The following RICTOR variants were observed in gnomAD, a reference collection of about 807,000 sequenced individuals.
The protein encoded by RICTOR is RPTOR independent companion of MTOR complex 2.
Under a neutral mutation model 214.9 loss-of-function variants are expected in RICTOR, and 49 were observed. The ratio of observed to expected loss-of-function variants is 0.23; its 90% CI spans 0.18 to 0.29. RICTOR has a LOEUF of 0.29. Ranked by LOEUF, RICTOR falls within the 10% of genes least tolerant of loss-of-function variation. The pLI is 1.00. For missense variants in RICTOR, 1,625 were observed against 2,047.0 expected, an observed-to-expected ratio of 0.79 and a Z score of 3.98; for synonymous variants, 717 against 711.3, an observed-to-expected ratio of 1.01 and a Z score of -0.13.
At chr5:38,985,543 A>G (rs1002521697) in intron 7 of RICTOR, among the ~76,000 whole-genome samples, 5 of 152,260 alleles carry the variant, frequency 3.3e-5, no homozygotes, top group South Asian at 2.1e-4. Context: ...GACTCCTTAT[A>G]GTAATATCTA....
intron 26 of RICTOR, 182 bp from the exon 27 acceptor site, chr5:38,955,043 C>G (rs1489111597): frequency 2.3e-6 from 1 of 437,076 alleles, no homozygotes; most frequent in Admixed American, 4.0e-5. Flanking sequence ...CTTCCCTAAT[C>G]CAAAATGATC....
At chr5:39,040,847 G>C (rs932900518) in intron 2 of RICTOR, among the ~76,000 whole-genome samples, 2 of 152,136 alleles carry the variant, frequency 1.3e-5, no homozygotes, top group African/African-American at 4.8e-5. Context: ...ATAACTGCTA[G>C]GAGAGGAACA....
chr5:39,014,998 CATATT>C (rs1754836575), intron 3 of RICTOR, among the ~76,000 whole-genome samples: 1 of 152,130 alleles, frequency 6.6e-6, no homozygotes, highest in African/African-American at 2.4e-5. Context: ...TAATTAAACA[CATATT>C]ATGTGACACG....
intron 3 of RICTOR, among the ~76,000 whole-genome samples, chr5:39,014,720 C>T (rs1015794644): frequency 6.6e-6 from 1 of 152,088 alleles, no homozygotes; most frequent in African/African-American, 2.4e-5. Context: ...ATACACATTA[C>T]TTTATCCAGT....
intron 5 of RICTOR, among the ~76,000 whole-genome samples, chr5:39,000,745 C>A (rs1753554170): frequency 6.6e-6 from 1 of 151,846 alleles, no homozygotes; most frequent in African/African-American, 2.4e-5. Context: ...TACAAACAAC[C>A]AGAACTGAAA....
intron 30 of RICTOR, among the ~76,000 whole-genome samples, 161 bp downstream of exon 30, chr5:38,952,035 C>T (rs1003389812): frequency 5.9e-5 from 9 of 151,948 alleles, no homozygotes; most frequent in Admixed American, 6.6e-5. Flanking sequence ...TGATTATACT[C>T]TTTGTTATGA....
intron 3 of RICTOR, among the ~76,000 whole-genome samples, chr5:39,020,831 C>T (rs1755364562): frequency 6.6e-6 from 1 of 152,142 alleles, no homozygotes; most frequent in African/African-American, 2.4e-5. Context: ...CTGAACCTAC[C>T]AAATTTTCTG....
chr5:39,009,836 A>C (rs371976988), intron 3 of RICTOR, among the ~76,000 whole-genome samples: 2 of 152,226 alleles, frequency 1.3e-5, no homozygotes, highest in South Asian at 2.1e-4. Flanking sequence ...TTTCACTGCT[A>C]ATCACTAAGA....
chr5:38,975,717 C>CTTT, intron 9 of RICTOR, 113 bp from the exon 10 acceptor site: 1 of 747,844 alleles, frequency 1.3e-6, no homozygotes, highest in South Asian at 1.6e-5. Flanking sequence ...AACATTTACA[C>CTTT]ATAAAATTAA....
chr5:39,058,219 C>G (rs1001089504), intron 2 of RICTOR, among the ~76,000 whole-genome samples: 1 of 151,902 alleles, frequency 6.6e-6, no homozygotes, highest in Non-Finnish European at 1.5e-5. Context: ...AATATTAAAA[C>G]TTATTTTAAA....
At chr5:38,955,568 T>C (rs770410616) in intron 26 of RICTOR, 27 bp downstream of exon 26, 1 of 1,197,134 alleles carries the variant, frequency 8.4e-7, no homozygotes, top group Non-Finnish European at 1.2e-6. Context: ...GATGAACTAG[T>C]TTTAAATCTG....
At chr5:38,988,728 C>G (rs968668715) in intron 7 of RICTOR, among the ~76,000 whole-genome samples, 1 of 150,252 alleles carries the variant, frequency 6.7e-6, no homozygotes, top group African/African-American at 2.5e-5. Flanking sequence ...CAATAATAGA[C>G]AGAGAGCCAA....
chr5:38,967,650 G>C (rs1561471475), intron 12 of RICTOR, among the ~76,000 whole-genome samples: 1 of 152,164 alleles, frequency 6.6e-6, no homozygotes, highest in South Asian at 2.1e-4. Flanking sequence ...GCTCAAATAA[G>C]ATGAGAATTA....
Position 38,950,163 on chromosome 5 carries a change from T to C in RICTOR, c.3685A>G (p.Ile1229Val), listed in dbSNP as rs1195301968. 4 of 1,613,556 alleles carry C rather than the reference T, an allele frequency of 2.5e-6. No homozygotes were observed. The highest frequency in any genetic ancestry group is 1.3e-5 in the African/African-American group (1 of 75,002). Residue 1229 changes from isoleucine to valine, a missense_variant, in exon 31 of 38, where the codon ATA becomes GTA. By Grantham distance (29) the Ile-to-Val change is conservative (BLOSUM62 3). This residue lies in a region of RICTOR where 1,214 missense variants were observed against 1,470.5 expected (regional missense o/e 0.83). Coordinates refer to ENST00000357387, the MANE Select transcript of RICTOR (RefSeq NM_152756.5). ...SFNTDTTTSG[I>V]SSMSSSPSRE... Reference sequence around the variant, plus strand: ...GAAGGACTTGAGCTCATTGAACTTATGCCACTTGTTGTAGTGTCTGTATTG... The same window carrying C: ...GAAGGACTTGAGCTCATTGAACTTACGCCACTTGTTGTAGTGTCTGTATTG...
At chr5:39,019,984 T>C (rs566371446) in intron 3 of RICTOR, among the ~76,000 whole-genome samples, 2 of 152,244 alleles carry the variant, frequency 1.3e-5, no homozygotes, top group Admixed American at 6.5e-5. Flanking sequence ...ATGGATGACT[T>C]TGAGGCGTTC....
chr5:38,966,442 C>T (rs1468152359), intron 15 of RICTOR, among the ~76,000 whole-genome samples, 199 bp downstream of exon 15: 10 of 152,200 alleles, frequency 6.6e-5, no homozygotes, highest in Non-Finnish European at 1.5e-4. Context: ...TCAAAATATG[C>T]ATGTGCATGC....
intron 2 of RICTOR, among the ~76,000 whole-genome samples, chr5:39,045,971 ATTAG>A (rs1335373880): frequency 6.6e-6 from 1 of 151,622 alleles, no homozygotes; most frequent in Admixed American, 6.6e-5. Context: ...TATTTTTATC[ATTAG>A]TTATTCACTA....
intron 2 of RICTOR, among the ~76,000 whole-genome samples, chr5:39,054,045 G>C (rs1758035527): frequency 6.6e-6 from 1 of 152,156 alleles, no homozygotes; most frequent in Non-Finnish European, 1.5e-5. Context: ...TCGAGCCACT[G>C]CGCTCCAGCC....
chr5:39,000,646 G>T (rs1753545126), intron 5 of RICTOR, among the ~76,000 whole-genome samples: 1 of 151,798 alleles, frequency 6.6e-6, no homozygotes, highest in African/African-American at 2.4e-5. Flanking sequence ...ATGTAGTAAG[G>T]TAAGAAAAAG....
Sources: gnomAD v4.1 joint callset for allele counts (sites outside exome capture counted in the v4.1 genomes callset) on GRCh38, gnomAD v4.1.1 for gene constraint, gnomAD v4.1.1 regional missense constraint, MANE v1.5 for transcripts, NCBI Gene and HGNC (gene_info 2026-07-23, HGNC 2026-07-21) for gene names.